KIF26B: variants seen among roughly 807,000 people sequenced by gnomAD.
The protein encoded by KIF26B is kinesin family member 26B.
In KIF26B, 63 loss-of-function variants were observed where a neutral mutation model predicts 151.2. The observed-to-expected ratio is 0.42, with a 90% CI of 0.34 to 0.51. The LOEUF (loss-of-function observed/expected upper bound fraction) is 0.51, where lower values mean the gene tolerates loss of function less well. KIF26B is among the 20% of genes least tolerant of loss of function. The pLI, the probability that KIF26B is intolerant of heterozygous loss-of-function variation, is 0.07. For synonymous variants in KIF26B, 1,357 were observed against 1,262.1 expected (o/e 1.08, Z -1.59); for missense variants, 2,813 against 2,913.6 (o/e 0.97, Z 0.79).
At chr1:245,621,614 T>G (rs2043661815) in intron 9 of KIF26B, among the ~76,000 whole-genome samples, 1 of 152,226 alleles carries the variant, frequency 6.6e-6, no homozygotes, top group South Asian at 2.1e-4. Flanking sequence ...AGTCTTGACC[T>G]CAAAATCTGG....
chr1:245,247,145 T>C (rs1212992958), intron 2 of KIF26B, among the ~76,000 whole-genome samples: 1 of 152,174 alleles, frequency 6.6e-6, no homozygotes, highest in Non-Finnish European at 1.5e-5. Context: ...GGATTTCTTT[T>C]CTTTTTTTAA....
intron 4 of KIF26B, among the ~76,000 whole-genome samples, chr1:245,461,134 C>T (rs1406821132): frequency 1.3e-5 from 2 of 152,120 alleles, no homozygotes; most frequent in African/African-American, 2.4e-5. Flanking sequence ...GTTGCCTTCC[C>T]TCTGGAGGTG....
intron 4 of KIF26B, among the ~76,000 whole-genome samples, chr1:245,485,858 G>T (rs1213589012): frequency 6.6e-6 from 1 of 152,206 alleles, no homozygotes; most frequent in Non-Finnish European, 1.5e-5. Flanking sequence ...TTTCTCCAGA[G>T]CTGTGATGAA....
intron 2 of KIF26B, among the ~76,000 whole-genome samples, chr1:245,180,292 CAG>C (rs34346823): frequency 5.6e-4 from 83 of 148,454 alleles, no homozygotes; most frequent in African/African-American, 8.4e-4. Context: ...CTGCAGGTAG[CAG>C]AGAGAGAGAG....
chr1:245,370,328 C>A (rs1409079406), intron 3 of KIF26B, among the ~76,000 whole-genome samples: 1 of 151,720 alleles, frequency 6.6e-6, no homozygotes, highest in African/African-American at 2.4e-5. Context: ...TGGAGATGTC[C>A]TCATTTATTA....
chr1:245,433,477 A>AAGAAG (rs1553274013), intron 4 of KIF26B, among the ~76,000 whole-genome samples: 2 of 147,828 alleles, frequency 1.4e-5, no homozygotes, highest in African/African-American at 5.0e-5. Flanking sequence ...AAAAAAAAAA[A>AAGAAG]AAGAAGAAGA....
At chr1:245,447,166 C>T (rs1472765626) in intron 4 of KIF26B, among the ~76,000 whole-genome samples, 1 of 152,160 alleles carries the variant, frequency 6.6e-6, no homozygotes, top group Non-Finnish European at 1.5e-5. Flanking sequence ...GGTGTGCTTG[C>T]TGCTGCTGTG....
At chr1:245,413,821 G>A (rs952245302) in intron 3 of KIF26B, among the ~76,000 whole-genome samples, 1 of 152,172 alleles carries the variant, frequency 6.6e-6, no homozygotes. Context: ...AGTGGAGGGA[G>A]GGAGATGGAA....
intron 2 of KIF26B, among the ~76,000 whole-genome samples, chr1:245,265,473 C>G (rs1323505448): frequency 6.6e-6 from 1 of 151,886 alleles, no homozygotes; most frequent in Non-Finnish European, 1.5e-5. Flanking sequence ...CTCACATATC[C>G]TATATACAAA....
At chr1:245,550,030 C>T (rs1422715724) in intron 5 of KIF26B, among the ~76,000 whole-genome samples, 1 of 152,124 alleles carries the variant, frequency 6.6e-6, no homozygotes, top group Non-Finnish European at 1.5e-5. Flanking sequence ...CCGCCCGCCT[C>T]GGCTTCTCAA....
intron 2 of KIF26B, among the ~76,000 whole-genome samples, chr1:245,234,938 A>C (rs562883954): frequency 1.3e-5 from 2 of 152,236 alleles, no homozygotes; most frequent in East Asian, 3.9e-4. Flanking sequence ...GCTCTGCAGG[A>C]GGTCCTCCTG....
At chr1:245,229,648 A>G (rs1460254772) in intron 2 of KIF26B, among the ~76,000 whole-genome samples, 1 of 152,212 alleles carries the variant, frequency 6.6e-6, no homozygotes, top group African/African-American at 2.4e-5. Flanking sequence ...GCCTCATCCT[A>G]TTCCTATAAG....
At chr1:245,307,545 A>G (rs1338496748) in intron 2 of KIF26B, among the ~76,000 whole-genome samples, 1 of 152,260 alleles carries the variant, frequency 6.6e-6, no homozygotes, top group Non-Finnish European at 1.5e-5. Flanking sequence ...TTTCAGATAC[A>G]CAGAGAGTGA....
In KIF26B at chr1:245,572,458, C is replaced by T. The variant is rs2043074805; in HGVS notation, c.1351-30119C>T. 6.6e-6 allele frequency among the ~76,000 whole-genome samples: 1 copy of T among 152,108 alleles called. No individual in the cohort carries two copies. The highest frequency in any genetic ancestry group is 2.4e-5 in the African/African-American group (1 of 41,424). On this transcript the variant is annotated intron_variant, in intron 5 of 14. Coordinates refer to ENST00000407071, the MANE Select transcript of KIF26B (RefSeq NM_018012.4). This position sits in a 1 kb window ranked among gnomAD's most constrained non-coding sequence, Gnocchi z 4.2. ...GGTGGCAGGACACACTTCTCTTGTT[C>T]TCCAGCCCATTTTCAGGCACGGTAT...
Position 245,302,545 on chromosome 1 carries a change from G to A in KIF26B, c.466-64289G>A, listed in dbSNP as rs537102385. Among the ~76,000 whole-genome samples the A allele has an allele frequency of 7.5e-3, 1,140 of 152,306 alleles. 12 individuals are homozygous for A. Among genetic ancestry groups the A allele is most frequent in the African/African-American group, 0.026 (1,066 of 41,548 alleles). On this transcript the variant is annotated intron_variant, in intron 2 of 14. Transcript: ENST00000407071. Reference sequence around the variant, plus strand: ...TGAAGGCAGTGGTGCCATCAATTCAGCAGCAAGGAACTTAATAGCTTTCTC... The same window carrying A: ...TGAAGGCAGTGGTGCCATCAATTCAACAGCAAGGAACTTAATAGCTTTCTC...
Position 245,514,946 on chromosome 1 carries a change from G to A in KIF26B, c.1167-25821G>A, listed in dbSNP as rs76035680. 1.4e-4 allele frequency among the ~76,000 whole-genome samples: 21 copies of A among 152,258 alleles called. No homozygotes were observed. The East Asian group carries it at 2.5e-3, about 18-fold the overall frequency. ...ACTGTCCTCATGTTCTCCTGTCAGCGGTAGGTCTGTCTCTCAGACACTTTC... is the reference window on the plus strand; with the variant it reads ...ACTGTCCTCATGTTCTCCTGTCAGCAGTAGGTCTGTCTCTCAGACACTTTC... On this transcript the variant is annotated intron_variant, in intron 4 of 14. Coordinates refer to ENST00000407071, the MANE Select transcript of KIF26B (RefSeq NM_018012.4).
At chr1:245,348,926 A>G (rs1672511533) in intron 2 of KIF26B, among the ~76,000 whole-genome samples, 1 of 152,200 alleles carries the variant, frequency 6.6e-6, no homozygotes, top group Non-Finnish European at 1.5e-5. Flanking sequence ...GTCCCTGAAT[A>G]GAGTCCAACT....
At chr1:245,368,642 G>C (rs1012538991) in intron 3 of KIF26B, among the ~76,000 whole-genome samples, 3 of 152,012 alleles carry the variant, frequency 2.0e-5, no homozygotes, top group African/African-American at 7.2e-5. Flanking sequence ...GTGGCCTTCC[G>C]CTGTGATGTG....
At chr1:245,242,617 A>G (rs1311341908) in intron 2 of KIF26B, among the ~76,000 whole-genome samples, 1 of 151,672 alleles carries the variant, frequency 6.6e-6, no homozygotes, top group African/African-American at 2.4e-5. Flanking sequence ...TAGCAGCTGC[A>G]TGGTGTTCCA....
Sources: allele counts gnomAD v4.1 joint callset (sites outside exome capture counted in the v4.1 genomes callset), GRCh38; gene constraint gnomAD v4.1.1; non-coding constraint Gnocchi (gnomAD v3.1); transcripts MANE v1.5; gene names NCBI Gene and HGNC (gene_info 2026-07-23, HGNC 2026-07-21).